Variants in ADAMTS9 observed in about 807,000 individuals in gnomAD.
ADAMTS9 encodes the protein A disintegrin and metalloproteinase with thrombospondin motifs 9.
Under a neutral mutation model 257.1 loss-of-function variants are expected in ADAMTS9, and 107 were observed. That is an observed-to-expected ratio of 0.42 (90% CI 0.36 to 0.49). The LOEUF is 0.49. Among genes scored for constraint, ADAMTS9 ranks in the 20% least tolerant of loss-of-function variants. The probability of loss-of-function intolerance (pLI) is 0.03; values close to 1 mark genes in which losing one functional copy is unlikely to be tolerated. For missense variants in ADAMTS9, 2,353 were observed against 2,469.1 expected (o/e 0.95, Z 1.00); for synonymous variants, 982 against 880.9 (o/e 1.11, Z -2.03).
intron 9 of ADAMTS9, 134 bp from the exon 10 acceptor site, chr3:64,649,912 T>C: frequency 1.6e-5 from 18 of 1,115,442 alleles, no homozygotes; most frequent in South Asian, 7.4e-5. Context: ...CTTTATTCTT[T>C]ACATCCAAGA....
At chr3:64,595,791 G>C (rs2084354341) in intron 27 of ADAMTS9, among the ~76,000 whole-genome samples, 1 of 132,824 alleles carries the variant, frequency 7.5e-6, no homozygotes, top group African/African-American at 3.2e-5. Flanking sequence ...AATCTCATTT[G>C]TCTTTTTCCC....
intron 19 of ADAMTS9, among the ~76,000 whole-genome samples, chr3:64,620,806 T>C (rs542584618): frequency 4.2e-4 from 64 of 152,300 alleles, no homozygotes; most frequent in African/African-American, 1.5e-3. Context: ...AAACAAGTTT[T>C]CACGTACAAT....
chr3:64,615,285 G>A (rs2084740279), intron 21 of ADAMTS9, 36 bp downstream of exon 21: 2 of 1,604,574 alleles, frequency 1.2e-6, no homozygotes, highest in East Asian at 2.2e-5. Flanking sequence ...GAATGTAAGA[G>A]ATGACCTAGG....
intron 12 of ADAMTS9, among the ~76,000 whole-genome samples, chr3:64,640,157 T>C (rs1314396763): frequency 6.6e-6 from 1 of 152,222 alleles, no homozygotes; most frequent in Non-Finnish European, 1.5e-5. Context: ...GAACAGAGTC[T>C]GTATCTCACA....
intron 25 of ADAMTS9, among the ~76,000 whole-genome samples, chr3:64,602,647 A>C (rs1157187839): frequency 6.6e-6 from 1 of 152,122 alleles, no homozygotes; most frequent in African/African-American, 2.4e-5. Context: ...GGGACTTCAT[A>C]CCTACTGCAC....
chr3:64,591,915 ATTG>A (rs1421243302), intron 28 of ADAMTS9, among the ~76,000 whole-genome samples: 3 of 152,126 alleles, frequency 2.0e-5, no homozygotes, highest in African/African-American at 7.2e-5. Context: ...CATACTTTTT[ATTG>A]TTGTTAGTTT....
chr3:64,565,377 T>C (rs1325880270), intron 29 of ADAMTS9: 1 of 152,228 alleles, frequency 6.6e-6, no homozygotes, highest in Non-Finnish European at 1.5e-5. Context: ...ACAACACTGA[T>C]TGCAAAACAC....
intron 4 of ADAMTS9, among the ~76,000 whole-genome samples, chr3:64,657,461 G>C (rs752034101): frequency 6.6e-6 from 1 of 151,748 alleles, no homozygotes; most frequent in African/African-American, 2.4e-5. Context: ...CTCAGCTCCC[G>C]AGCACCTGAG....
chr3:64,549,744 A>T (rs1370704292), intron 31 of ADAMTS9, among the ~76,000 whole-genome samples: 1 of 152,170 alleles, frequency 6.6e-6, no homozygotes, highest in African/African-American at 2.4e-5. Context: ...AACCCTGGCC[A>T]GTAGGGTCCC....
intron 3 of ADAMTS9, among the ~76,000 whole-genome samples, chr3:64,663,770 G>A (rs1701281434): frequency 1.3e-5 from 2 of 151,988 alleles, no homozygotes. Context: ...ATTTCTTCAG[G>A]ATCAAAAGCA....
intron 31 of ADAMTS9, among the ~76,000 whole-genome samples, chr3:64,549,943 G>C (rs371857180): frequency 6.8e-6 from 1 of 146,770 alleles, no homozygotes; most frequent in Admixed American, 6.6e-5. Context: ...TCATTAACAT[G>C]TGAAATTGCT....
chr3:64,637,118 T>A (rs1257639789), intron 12 of ADAMTS9, among the ~76,000 whole-genome samples: 1 of 152,214 alleles, frequency 6.6e-6, no homozygotes, highest in Non-Finnish European at 1.5e-5. Context: ...GACATGACTT[T>A]AACAAATATA....
chr3:64,548,786 C>T (rs2083234241), intron 31 of ADAMTS9, among the ~76,000 whole-genome samples: 1 of 152,230 alleles, frequency 6.6e-6, no homozygotes, highest in Non-Finnish European at 1.5e-5. Context: ...GAGAGAAACT[C>T]ATACTGTAGA....
At chr3:64,575,372 C>A (rs1012677787) in intron 28 of ADAMTS9, among the ~76,000 whole-genome samples, 1 of 152,162 alleles carries the variant, frequency 6.6e-6, no homozygotes, top group Non-Finnish European at 1.5e-5. Flanking sequence ...AATCTTCTGT[C>A]CCTAGCACAG....
At chr3:64,676,632 T>C (rs968436143) in intron 3 of ADAMTS9, among the ~76,000 whole-genome samples, 3 of 152,056 alleles carry the variant, frequency 2.0e-5, no homozygotes, top group African/African-American at 7.3e-5. Context: ...AACAGCTGCA[T>C]AGGAATCCAT....
At chr3:64,627,569 G>T (rs1700255288) in intron 16 of ADAMTS9, among the ~76,000 whole-genome samples, 1 of 152,098 alleles carries the variant, frequency 6.6e-6, no homozygotes, top group Admixed American at 6.6e-5. Flanking sequence ...AGGAGGAAGG[G>T]GTCCATGTGA....
intron 28 of ADAMTS9, among the ~76,000 whole-genome samples, chr3:64,571,623 A>G (rs1177931426): frequency 6.6e-6 from 1 of 152,206 alleles, no homozygotes; most frequent in Non-Finnish European, 1.5e-5. Context: ...CTTGGAAAAA[A>G]CAATGCAGCA....
intron 8 of ADAMTS9, among the ~76,000 whole-genome samples, chr3:64,651,828 G>A (rs1454720744): frequency 4.6e-5 from 7 of 152,128 alleles, no homozygotes; most frequent in African/African-American, 1.7e-4. Flanking sequence ...CAATTGATTG[G>A]TACTGGCTTC....
rs79660480 is a variant in ADAMTS9, at chr3:64,594,532, T to C, written c.4180-98A>G. On this transcript the variant is annotated intron_variant, in intron 27 of 39. Transcript: ENST00000498707. ...TTCTTAGCCAAACTCAATTATGGCA[T>C]TGGGCAAGGTAAGCCTCTGACAGAT... The C allele has an allele frequency of 3.7e-3, 5,437 of 1,460,590 alleles. 150 individuals are homozygous for C. In the African/African-American group the frequency reaches 0.064, roughly 17 times the overall value. The allele number at this position is 1,460,590 out of a possible 1,614,324, so 90.5% of individuals were successfully genotyped here. A position where few individuals can be genotyped will look rare whatever the true frequency, so the allele number is the denominator to read the frequency against.
Sources: allele counts gnomAD v4.1 joint callset (sites outside exome capture counted in the v4.1 genomes callset), GRCh38; gene constraint gnomAD v4.1.1; transcripts MANE v1.5; gene names NCBI Gene and HGNC (gene_info 2026-07-23, HGNC 2026-07-21).